SHANK2: variants seen among roughly 807,000 people sequenced by gnomAD.
The protein encoded by SHANK2 is SH3 and multiple ankyrin repeat domains 2.
SHANK2 carries 43 observed loss-of-function variants against 133.7 expected under a neutral mutation model. The observed-to-expected ratio is 0.32, with a 90% CI of 0.25 to 0.41. The LOEUF is 0.41. Among genes scored for constraint, SHANK2 ranks in the 10% least tolerant of loss-of-function variants. SHANK2 has a pLI of 1.00. For synonymous variants in SHANK2, 1,017 were observed against 952.8 expected, an observed-to-expected ratio of 1.07 and a Z score of -1.24; for missense variants, 1,994 against 2,235.8, an observed-to-expected ratio of 0.89 and a Z score of 2.18.
intron 17 of SHANK2, among the ~76,000 whole-genome samples, chr11:70,628,572 G>A (rs1221984403): frequency 1.3e-5 from 2 of 152,212 alleles, no homozygotes; most frequent in East Asian, 3.8e-4. Flanking sequence ...TGCAGAGGAG[G>A]AGCCTAAGGC....
chr11:70,559,381 G>A (rs970860256), intron 17 of SHANK2, among the ~76,000 whole-genome samples: 1 of 152,166 alleles, frequency 6.6e-6, no homozygotes, highest in Non-Finnish European at 1.5e-5. Flanking sequence ...TGCAGAGAGC[G>A]TTCAGAGAGT....
chr11:70,663,991 G>T (rs943438116), intron 15 of SHANK2, among the ~76,000 whole-genome samples: 4 of 152,200 alleles, frequency 2.6e-5, no homozygotes, highest in Non-Finnish European at 5.9e-5. Flanking sequence ...TGCCATGCTG[G>T]TGTGGTGTAA....
intron 17 of SHANK2, among the ~76,000 whole-genome samples, chr11:70,641,317 T>A (rs1047693179): frequency 6.6e-5 from 10 of 152,254 alleles, no homozygotes; most frequent in Admixed American, 2.0e-4. Flanking sequence ...ATGGTCTCGA[T>A]CTCCTGACCT....
chr11:71,086,257 G>A (rs1212005276), intron 8 of SHANK2, among the ~76,000 whole-genome samples: 1 of 51,200 alleles, frequency 2.0e-5, no homozygotes, highest in Admixed American at 3.8e-4. Context: ...TGTTATATAT[G>A]TTATATATTA....
chr11:71,187,753 CCCA>C (rs1439224050), intron 2 of SHANK2, among the ~76,000 whole-genome samples: 2 of 151,306 alleles, frequency 1.3e-5, no homozygotes, highest in Non-Finnish European at 2.9e-5. Flanking sequence ...CTTTTTCTGG[CCCA>C]TCCTCTAAGA....
chr11:70,806,776 T>A (rs1948170387), intron 13 of SHANK2, among the ~76,000 whole-genome samples: 1 of 152,224 alleles, frequency 6.6e-6, no homozygotes, highest in Non-Finnish European at 1.5e-5. Flanking sequence ...CCAGTGGACG[T>A]GTCCCCTTCG....
At chr11:70,840,002 C>T (rs573586928) in intron 11 of SHANK2, among the ~76,000 whole-genome samples, 2 of 152,286 alleles carry the variant, frequency 1.3e-5, no homozygotes, top group East Asian at 1.9e-4. Context: ...GAATGTCAAG[C>T]GTGAGGTGGG....
At position 70,473,216 on chromosome 11, in the gene SHANK2, GAGA is replaced by G. The variant is rs782707058; in HGVS notation, c.5200_5202del (p.Ser1734del). On this transcript the variant is annotated inframe_deletion, in exon 26 of 26. Coordinates refer to ENST00000601538, the MANE Select transcript of SHANK2 (RefSeq NM_012309.5). This position sits in a 1 kb window ranked among gnomAD's most constrained non-coding sequence, Gnocchi z 5.9. ...AGGCTAAAGACATCTGAGAGAGCGG[GAGA>G]AGGAGAGGCGGTGGCAGCAGACAGG... The G allele has an allele frequency of 8.3e-5, 133 of 1,610,980 alleles. No homozygotes were observed. The highest frequency in any genetic ancestry group is 7.3e-5 in the Non-Finnish European group (86 of 1,177,446).
chr11:70,917,484 G>A (rs950908272), intron 10 of SHANK2, among the ~76,000 whole-genome samples: 4 of 152,162 alleles, frequency 2.6e-5, no homozygotes, highest in Admixed American at 2.6e-4. Context: ...AATGCCATTC[G>A]ACTCAGCAAT....
At chr11:70,556,087 G>A (rs1211491573) in intron 17 of SHANK2, among the ~76,000 whole-genome samples, 1 of 152,234 alleles carries the variant, frequency 6.6e-6, no homozygotes, top group Non-Finnish European at 1.5e-5. Flanking sequence ...ACTGATAAAG[G>A]TGGCTACACT....
chr11:70,796,648 C>T (rs533266138), intron 14 of SHANK2, among the ~76,000 whole-genome samples: 8 of 152,294 alleles, frequency 5.3e-5, no homozygotes, highest in South Asian at 2.1e-4. Flanking sequence ...CAGGGGTGGA[C>T]GGGCAATGGC....
chr11:71,119,058 A>G (rs1247148483), intron 3 of SHANK2, 26 bp from the exon 4 acceptor site: 2 of 1,548,940 alleles, frequency 1.3e-6, no homozygotes, highest in East Asian at 4.9e-5. Context: ...AAGACAGCTG[A>G]TGAGTGACAG....
In SHANK2 at chr11:70,809,344, C is replaced by T. The variant is rs372091887; in HGVS notation, c.1494-2173G>A. ...TCTATGAGGACAGGGAGGAAGGGCCCATGCACACAGGGACCCATGCAAAAC... is the reference window on the plus strand; with the variant it reads ...TCTATGAGGACAGGGAGGAAGGGCCTATGCACACAGGGACCCATGCAAAAC... On this transcript the variant is annotated intron_variant, in intron 12 of 25. Transcript: ENST00000601538. 3.6e-4 allele frequency among the ~76,000 whole-genome samples: 55 copies of T among 152,294 alleles called. 1 individual carries two copies. Among genetic ancestry groups the T allele is most frequent in the African/African-American group, 1.3e-3 (53 of 41,570 alleles).
At chr11:71,153,800 T>A (rs1952849288) in intron 2 of SHANK2, among the ~76,000 whole-genome samples, 1 of 152,070 alleles carries the variant, frequency 6.6e-6, no homozygotes, top group Admixed American at 6.5e-5. Context: ...TAAAACCCCA[T>A]CTCTACTAAA....
chr11:70,899,774 C>G (rs1949997618), intron 10 of SHANK2, among the ~76,000 whole-genome samples: 3 of 152,204 alleles, frequency 2.0e-5, no homozygotes, highest in Admixed American at 2.0e-4. Context: ...TCCCTGCCCA[C>G]AGGCCCAGGC....
At chr11:70,845,304 T>G (rs1396014805) in intron 11 of SHANK2, among the ~76,000 whole-genome samples, 5 of 151,952 alleles carry the variant, frequency 3.3e-5, no homozygotes, top group African/African-American at 1.2e-4. Flanking sequence ...GACAATAAAC[T>G]TCAAAGATGA....
intron 17 of SHANK2, among the ~76,000 whole-genome samples, chr11:70,613,021 T>C (rs1198819623): frequency 6.6e-6 from 1 of 152,138 alleles, no homozygotes; most frequent in Non-Finnish European, 1.5e-5. Context: ...GTCTTGCTGT[T>C]ATGAACAGAG....
At chr11:71,136,009 G>A (rs552019654) in intron 3 of SHANK2, among the ~76,000 whole-genome samples, 6 of 152,262 alleles carry the variant, frequency 3.9e-5, no homozygotes, top group African/African-American at 1.4e-4. Flanking sequence ...GGAGGGACTG[G>A]CTATAGGAGC....
chr11:70,674,996 G>A (rs1340736801), intron 15 of SHANK2, among the ~76,000 whole-genome samples: 1 of 152,250 alleles, frequency 6.6e-6, no homozygotes, highest in Non-Finnish European at 1.5e-5. Flanking sequence ...TCTTGCTGCA[G>A]AAGCCATGCT....
Sources: gnomAD v4.1 joint callset for allele counts (sites outside exome capture counted in the v4.1 genomes callset) on GRCh38, gnomAD v4.1.1 for gene constraint, Gnocchi (gnomAD v3.1) non-coding constraint, MANE v1.5 for transcripts, NCBI Gene and HGNC (gene_info 2026-07-23, HGNC 2026-07-21) for gene names.